Variants in SMYD3 observed in about 807,000 individuals in gnomAD.
SMYD3 encodes SET and MYND domain containing 3.
In SMYD3, 36 loss-of-function variants were observed where a neutral mutation model predicts 57.7. The observed-to-expected ratio is 0.62, with a 90% CI of 0.48 to 0.82. SMYD3 has a LOEUF of 0.82. SMYD3 is among the 40% of genes least tolerant of loss of function. The pLI, the probability that SMYD3 is intolerant of heterozygous loss-of-function variation, is 0.00. For synonymous variants in SMYD3, 211 were observed against 195.0 expected (o/e 1.08, Z -0.68); for missense variants, 515 against 538.8 (o/e 0.96, Z 0.44).
intron 5 of SMYD3, among the ~76,000 whole-genome samples, chr1:246,066,358 A>G (rs887608551): frequency 1.3e-4 from 20 of 152,228 alleles, no homozygotes; most frequent in African/African-American, 4.6e-4. Flanking sequence ...TGTAAACAAG[A>G]CATTTAGAAA....
chr1:246,356,386 C>G (rs1334735998), intron 1 of SMYD3, among the ~76,000 whole-genome samples: 1 of 152,146 alleles, frequency 6.6e-6, no homozygotes. Context: ...AAAACAAGCT[C>G]TTTAACACCC....
chr1:245,904,331 G>C (rs972571196), intron 8 of SMYD3, among the ~76,000 whole-genome samples: 1 of 152,072 alleles, frequency 6.6e-6, no homozygotes, highest in African/African-American at 2.4e-5. Context: ...AGTTTCCTGA[G>C]GCCTCCCTAA....
At chr1:245,880,928 G>A (rs1020967251) in intron 8 of SMYD3, among the ~76,000 whole-genome samples, 2 of 152,128 alleles carry the variant, frequency 1.3e-5, no homozygotes, top group Non-Finnish European at 2.9e-5. Flanking sequence ...AGAGTGTGCT[G>A]AGATCAGCAC....
chr1:245,890,995 T>A (rs576680749), intron 8 of SMYD3, among the ~76,000 whole-genome samples: 1 of 152,238 alleles, frequency 6.6e-6, no homozygotes, highest in Non-Finnish European at 1.5e-5. Flanking sequence ...ATGTTCTCAC[T>A]AATTTGTAGG....
intron 11 of SMYD3, among the ~76,000 whole-genome samples, chr1:245,752,177 A>G (rs1341139874): frequency 6.6e-6 from 1 of 152,166 alleles, no homozygotes; most frequent in Admixed American, 6.5e-5. Context: ...CTTTTACTCA[A>G]CAAAGAGCCA....
intron 5 of SMYD3, among the ~76,000 whole-genome samples, chr1:246,035,849 T>A (rs2059764837): frequency 6.6e-6 from 1 of 152,178 alleles, no homozygotes; most frequent in Non-Finnish European, 1.5e-5. Context: ...TGTCCAGGTG[T>A]TTACTTGTTG....
intron 5 of SMYD3, among the ~76,000 whole-genome samples, chr1:246,169,827 C>A (rs1028259637): frequency 6.6e-6 from 1 of 151,646 alleles, no homozygotes; most frequent in Non-Finnish European, 1.5e-5. Context: ...TCGCTTGAAC[C>A]CAGGAGGTGA....
intron 10 of SMYD3, among the ~76,000 whole-genome samples, chr1:245,797,241 A>G (rs1206754124): frequency 6.6e-6 from 1 of 152,186 alleles, no homozygotes; most frequent in Non-Finnish European, 1.5e-5. Flanking sequence ...TGTTTATTGC[A>G]GCAGTACTCA....
intron 1 of SMYD3, among the ~76,000 whole-genome samples, chr1:246,472,615 G>A (rs1202145567): frequency 1.3e-5 from 2 of 151,884 alleles, no homozygotes; most frequent in Non-Finnish European, 2.9e-5. Context: ...ATGCTGGCAT[G>A]CGCCTGTAGT....
intron 10 of SMYD3, among the ~76,000 whole-genome samples, chr1:245,851,481 C>A (rs1294264927): frequency 6.6e-6 from 1 of 152,192 alleles, no homozygotes; most frequent in African/African-American, 2.4e-5. Context: ...CAAATGATAT[C>A]TCTTGCTCTG....
chr1:246,427,494 T>C (rs1412068293), intron 1 of SMYD3, among the ~76,000 whole-genome samples: 1 of 142,496 alleles, frequency 7.0e-6, no homozygotes, highest in East Asian at 2.0e-4. Flanking sequence ...CACTCCAGCC[T>C]GGGCGACAGA....
At chr1:246,192,594 G>A (rs1392015696) in intron 5 of SMYD3, among the ~76,000 whole-genome samples, 1 of 152,138 alleles carries the variant, frequency 6.6e-6, no homozygotes, top group Non-Finnish European at 1.5e-5. Flanking sequence ...CGCAGTTAAT[G>A]TAAATGCTAC....
intron 1 of SMYD3, among the ~76,000 whole-genome samples, chr1:246,470,520 AATAT>A (rs1026535042): frequency 7.1e-6 from 1 of 141,782 alleles, no homozygotes; most frequent in Admixed American, 7.0e-5. Context: ...TAAAAAAAAA[AATAT>A]ATATATATAT....
At chr1:246,130,705 T>C (rs919897569) in intron 5 of SMYD3, among the ~76,000 whole-genome samples, 2 of 152,310 alleles carry the variant, frequency 1.3e-5, no homozygotes, top group Middle Eastern at 3.4e-3. Context: ...GTTCTGACCT[T>C]TTTGTAAGAG....
At chr1:245,867,764 A>G (rs896837026) in intron 8 of SMYD3, among the ~76,000 whole-genome samples, 1 of 152,244 alleles carries the variant, frequency 6.6e-6, no homozygotes, top group Admixed American at 6.5e-5. Flanking sequence ...TTCATTTTAA[A>G]CAGGATGATC....
At chr1:245,823,344 C>T (rs1333123345) in intron 10 of SMYD3, among the ~76,000 whole-genome samples, 2 of 80,062 alleles carry the variant, frequency 2.5e-5, no homozygotes, top group Non-Finnish European at 7.9e-5. Context: ...CGCGCTCGTG[C>T]TTGCTCGCTC....
chr1:245,955,185 G>A (rs537417022), intron 5 of SMYD3, among the ~76,000 whole-genome samples: 16 of 152,218 alleles, frequency 1.1e-4, no homozygotes, highest in Middle Eastern at 3.4e-3. Context: ...TCCGCCTCCC[G>A]GGTTCACGCC....
chr1:246,073,674 G>A (rs1008967412), intron 5 of SMYD3, among the ~76,000 whole-genome samples: 6 of 152,106 alleles, frequency 3.9e-5, no homozygotes, highest in African/African-American at 1.2e-4. Flanking sequence ...CCAAGATCAC[G>A]CCACGGTACT....
intron 5 of SMYD3, among the ~76,000 whole-genome samples, chr1:246,278,242 GA>G (rs35112531): frequency 4.4e-4 from 63 of 143,520 alleles, no homozygotes; most frequent in Middle Eastern, 7.1e-3. Context: ...CTCTGTTTAA[GA>G]AAAAAAAAAA....
Sources: allele counts gnomAD v4.1 joint callset (sites outside exome capture counted in the v4.1 genomes callset), GRCh38; gene constraint gnomAD v4.1.1; transcripts MANE v1.5; gene names NCBI Gene and HGNC (gene_info 2026-07-23, HGNC 2026-07-21).